COP1: variants seen among roughly 807,000 people sequenced by gnomAD.
COP1 encodes the protein E3 ubiquitin-protein ligase COP1.
Under a neutral mutation model 101.3 loss-of-function variants are expected in COP1, and 24 were observed. The observed-to-expected ratio is 0.24, with a 90% CI of 0.17 to 0.33. The LOEUF is 0.33. COP1 is among the 10% of genes least tolerant of loss of function. COP1 has a pLI of 1.00. For synonymous variants in COP1, 347 were observed against 341.9 expected, an observed-to-expected ratio of 1.01 and a Z score of -0.17; for missense variants, 663 against 906.2, an observed-to-expected ratio of 0.73 and a Z score of 3.45.
chr1:176,198,052 ATAT>A (rs1464133289), intron 1 of COP1, among the ~76,000 whole-genome samples: 1 of 152,170 alleles, frequency 6.6e-6, no homozygotes, highest in Non-Finnish European at 1.5e-5. Flanking sequence ...TCAAAAGATA[ATAT>A]TAAGATGTCA....
At chr1:176,173,514 T>C (rs1696431985) in intron 3 of COP1, among the ~76,000 whole-genome samples, 1 of 149,980 alleles carries the variant, frequency 6.7e-6, no homozygotes, top group Non-Finnish European at 1.5e-5. Flanking sequence ...GTGGCGCATG[T>C]CTGTAGCCCC....
chr1:176,027,015 C>T (rs1024256739), intron 15 of COP1, among the ~76,000 whole-genome samples: 11 of 151,916 alleles, frequency 7.2e-5, no homozygotes, highest in Admixed American at 3.3e-4. Flanking sequence ...AGGCAAACAC[C>T]GACATATGGT....
chr1:176,116,518 A>T (rs1051100324), intron 9 of COP1, 106 bp downstream of exon 9: 8 of 878,992 alleles, frequency 9.1e-6, no homozygotes, highest in African/African-American at 1.7e-5. Flanking sequence ...ACTGCATTCA[A>T]AATGGTTGTC....
At chr1:176,045,560 C>A in intron 12 of COP1, among the ~76,000 whole-genome samples, 1 of 137,386 alleles carries the variant, frequency 7.3e-6, no homozygotes. Context: ...ATGAGAACAG[C>A]TTGGGAAGCT....
At chr1:176,152,559 T>C (rs963287269) in intron 5 of COP1, among the ~76,000 whole-genome samples, 10 of 152,100 alleles carry the variant, frequency 6.6e-5, no homozygotes. Flanking sequence ...GCAATTCTTC[T>C]GCCTCGGCCT....
At chr1:176,103,037 T>C (rs572925584) in intron 9 of COP1, among the ~76,000 whole-genome samples, 4 of 152,214 alleles carry the variant, frequency 2.6e-5, no homozygotes, top group African/African-American at 7.2e-5. Flanking sequence ...GGCTCAAGCA[T>C]AGCTGGCTCT....
At chr1:176,023,717 TC>T (rs1667178037) in intron 15 of COP1, among the ~76,000 whole-genome samples, 1 of 58,594 alleles carries the variant, frequency 1.7e-5, no homozygotes. Flanking sequence ...AAACTCCATC[TC>T]AAAAAAAAAA....
intron 1 of COP1, among the ~76,000 whole-genome samples, chr1:176,191,939 A>G (rs1699155411): frequency 1.3e-5 from 2 of 152,266 alleles, no homozygotes; most frequent in African/African-American, 2.4e-5. Flanking sequence ...GTAATTTAAC[A>G]ATAAAATATT....
intron 5 of COP1, among the ~76,000 whole-genome samples, chr1:176,155,461 A>G (rs893472475): frequency 1.1e-4 from 17 of 151,964 alleles, no homozygotes; most frequent in Admixed American, 1.1e-3. Context: ...CAGGAAAAAA[A>G]GGAAAATAAG....
chr1:175,979,370 C>T (rs1240822441), intron 18 of COP1, among the ~76,000 whole-genome samples: 3 of 152,122 alleles, frequency 2.0e-5, no homozygotes, highest in African/African-American at 7.2e-5. Context: ...TATTGCATGG[C>T]TTCTCAAATG....
rs1200669437 is a variant in COP1 at position 176,151,374 on chromosome 1, A to AAAGAAAGAAAG, written c.763-2311_763-2301dup. On this transcript the variant is annotated intron_variant, in intron 5 of 19. Transcript: ENST00000367669. ...AAGAAAAAGAAAGAAAGAAAGAAAG[A>AAAGAAAGAAAG]AAGAAAGAAAGAAAGAAAGAAAGAA... 8.4e-5 allele frequency among the ~76,000 whole-genome samples: 9 copies of AAAGAAAGAAAG among 107,650 alleles called. 1 individual carries two copies. In the East Asian group the frequency reaches 4.2e-3, roughly 50 times the overall value. The allele number at this position is 107,650 out of a possible 152,430, so 70.6% of individuals were successfully genotyped here. A position where few individuals can be genotyped will look rare whatever the true frequency, so the allele number is the denominator to read the frequency against.
At chr1:176,128,195 T>C (rs968718574) in intron 8 of COP1, among the ~76,000 whole-genome samples, 6 of 152,138 alleles carry the variant, frequency 3.9e-5, no homozygotes, top group Admixed American at 6.5e-5. Context: ...CAGTGTTTTA[T>C]ACACGCTGGC....
At chr1:175,967,504 C>CA (rs2148574751) in intron 18 of COP1, among the ~76,000 whole-genome samples, 1 of 151,174 alleles carries the variant, frequency 6.6e-6, no homozygotes, top group South Asian at 2.1e-4. Context: ...AACAAACAAA[C>CA]AAACAAACAA....
chr1:176,174,331 G>A (rs1572684485), intron 3 of COP1, among the ~76,000 whole-genome samples: 1 of 152,142 alleles, frequency 6.6e-6, no homozygotes, highest in Non-Finnish European at 1.5e-5. Flanking sequence ...AGGGACAAAG[G>A]ATTTTGCCCT....
At chr1:176,178,643 G>A (rs929281708) in intron 2 of COP1, among the ~76,000 whole-genome samples, 1 of 152,082 alleles carries the variant, frequency 6.6e-6, no homozygotes, top group Non-Finnish European at 1.5e-5. Context: ...CCTGAGGTCA[G>A]GAGTTCGAGA....
At chr1:176,048,256 C>T (rs1671865116) in intron 11 of COP1, among the ~76,000 whole-genome samples, 1 of 133,432 alleles carries the variant, frequency 7.5e-6, no homozygotes, top group Admixed American at 8.4e-5. Context: ...TGGTCTTGAA[C>T]TCCAGGGCTC....
At chr1:175,977,531 G>A (rs1654865451) in intron 18 of COP1, among the ~76,000 whole-genome samples, 1 of 151,736 alleles carries the variant, frequency 6.6e-6, no homozygotes, top group Non-Finnish European at 1.5e-5. Context: ...TTGGGAAACT[G>A]GTGAATAAAA....
intron 2 of COP1, among the ~76,000 whole-genome samples, chr1:176,181,074 ATT>A (rs1444029766): frequency 1.3e-5 from 2 of 152,216 alleles, no homozygotes; most frequent in African/African-American, 2.4e-5. Context: ...TAAAAGTCAG[ATT>A]TCTTATTATA....
intron 9 of COP1, among the ~76,000 whole-genome samples, chr1:176,099,021 T>C (rs929288782): frequency 1.3e-5 from 2 of 152,230 alleles, no homozygotes; most frequent in Non-Finnish European, 2.9e-5. Flanking sequence ...AATTCTAATG[T>C]CTAAAGTATA....
Sources: allele counts gnomAD v4.1 joint callset (sites outside exome capture counted in the v4.1 genomes callset), GRCh38; gene constraint gnomAD v4.1.1; transcripts MANE v1.5; gene names NCBI Gene and HGNC (gene_info 2026-07-23, HGNC 2026-07-21).